Variants in RGS12 observed in about 807,000 individuals in gnomAD.
The protein encoded by RGS12 is regulator of G-protein signaling 12.
In RGS12, 66 loss-of-function variants were observed where a neutral mutation model predicts 120.1. That is an observed-to-expected ratio of 0.55 (90% confidence interval 0.45 to 0.67). RGS12 has a LOEUF of 0.67. Among genes scored for constraint, RGS12 ranks in the 30% least tolerant of loss-of-function variants. RGS12 has a pLI of 0.00. For synonymous variants in RGS12, 827 were observed against 804.7 expected (o/e 1.03, Z -0.47); for missense variants, 1,859 against 1,957.7 (o/e 0.95, Z 0.95).
intron 1 of RGS12, among the ~76,000 whole-genome samples, chr4:3,313,351 G>T (rs1724529547): frequency 1.3e-5 from 2 of 152,146 alleles, no homozygotes; most frequent in Admixed American, 6.5e-5. Context: ...GCTGTCCTGG[G>T]GCTGTTCACA....
rs772653699 is a variant in RGS12, at chr4:3,423,547, G to A, written c.3140G>A (p.Gly1047Glu). The A allele has an allele frequency of 1.2e-6, 2 of 1,612,936 alleles. No individual in the cohort carries two copies. The highest frequency in any genetic ancestry group is 1.3e-5 in the African/African-American group (1 of 74,930). Residue 1047 changes from glycine (G) to glutamate (E), a missense_variant, in exon 13 of 18, where the codon GGA becomes GAA. This residue lies in a region of RGS12 where 375 missense variants were observed against 475.0 expected (regional missense o/e 0.79). Coordinates refer to ENST00000336727, the MANE Select transcript of RGS12 (RefSeq NM_001394154.1). ...LDLVPINRSV[G>E]LKAKPTKPVT... is the part of the protein sequence containing the mutation. ...CTTGTTCCGATTAACCGGTCAGTGG[G>A]ACTCAAGGCCAAGCCCACCAAGCCC...
intron 2 of RGS12, among the ~76,000 whole-genome samples, chr4:3,340,762 A>AGGTGCAGGCC (rs142221888): frequency 0.61 from 91,995 of 150,946 alleles, 28,571 homozygotes; most frequent in South Asian, 0.74. Context: ...AGGTGCAGGC[A>AGGTGCAGGCC]GGTGCAGGCC....
Position 3,416,918 on chromosome 4 carries a change from C to T in RGS12, c.2433C>T (p.Phe811=), listed in dbSNP as rs761895357. The change falls in exon 8 of 18, where the codon TTC becomes TTT. Residue 811 remains phenylalanine (F), a synonymous_variant. Transcript: ENST00000336727. ...DMFKEQQLQI[F]NLMKFDSYTR... ...ACCTTACATCTTCTCCCCAGATCTT[C>T]AATCTCATGAAGTTTGATAGCTACA... is the stretch of plus-strand genomic sequence containing the variant. 6.3e-6 allele frequency: 10 copies of T among 1,597,740 alleles called. No homozygotes were observed. In the East Asian group the frequency reaches 2.0e-4, roughly 32 times the overall value.
intron 3 of RGS12, among the ~76,000 whole-genome samples, chr4:3,373,695 G>C (rs1437724112): frequency 6.6e-6 from 1 of 152,166 alleles, no homozygotes; most frequent in Admixed American, 6.5e-5. Flanking sequence ...CCTGTGTCCT[G>C]CTGTATCGGT....
chr4:3,362,638 AGT>A (rs1473226223), intron 3 of RGS12, among the ~76,000 whole-genome samples: 2 of 102,058 alleles, frequency 2.0e-5, no homozygotes, highest in African/African-American at 4.0e-5. Context: ...TGAATGTGAG[AGT>A]GAGGGTGTGT....
chr4:3,335,043 C>G (rs1324819899), intron 2 of RGS12, among the ~76,000 whole-genome samples: 3 of 152,176 alleles, frequency 2.0e-5, no homozygotes. Context: ...AAATTATGTG[C>G]TTTGTTTCTG....
rs1716371513 is a variant in RGS12 at position 3,366,937 on chromosome 4, G to T, written c.1999-19479G>T. Reference sequence around the variant, plus strand: ...TGGCCCCAGGACATAGCCCACGTGGGTCCTCACCTCTGCCCGGCTCAGCTC... The same window carrying T: ...TGGCCCCAGGACATAGCCCACGTGGTTCCTCACCTCTGCCCGGCTCAGCTC... On this transcript the variant is annotated intron_variant, in intron 3 of 17. Coordinates refer to ENST00000336727, the MANE Select transcript of RGS12 (RefSeq NM_001394154.1). This position sits in a 1 kb window ranked among gnomAD's most constrained non-coding sequence, Gnocchi z 4.0. 6.6e-6 allele frequency among the ~76,000 whole-genome samples: 1 copy of T among 152,182 alleles called. No individual in the cohort carries two copies. The highest frequency in any genetic ancestry group is 6.5e-5 in the Admixed American group (1 of 15,282).
Position 3,316,830 on chromosome 4 carries a change from A to G in RGS12, c.660A>G (p.Ala220=), listed in dbSNP as rs1160360824. 1.2e-6 allele frequency: 2 copies of G among 1,614,140 alleles called. No individual in the cohort carries two copies. Among genetic ancestry groups the G allele is most frequent in the Non-Finnish European group, 8.5e-7 (1 of 1,179,972 alleles). The change falls in exon 2 of 18, where the codon GCA becomes GCG. Residue 220 remains alanine, a synonymous_variant. Coordinates refer to ENST00000336727, the MANE Select transcript of RGS12 (RefSeq NM_001394154.1). ...GACTAGAAAGTCATGACGATTTTGCATTGGATGCAAGTATTTTAAACGTGG... is the reference window on the plus strand; with the variant it reads ...GACTAGAAAGTCATGACGATTTTGCGTTGGATGCAAGTATTTTAAACGTGG... ...SIGLESHDDF[A]LDASILNVAM...
At position 3,433,974 on chromosome 4, in the gene RGS12, G is replaced by A. The variant is rs1480254472; in HGVS notation, c.4114+3019G>A. 6.6e-6 allele frequency among the ~76,000 whole-genome samples: 1 copy of A among 152,260 alleles called. No homozygotes were observed. Among genetic ancestry groups the A allele is most frequent in the Non-Finnish European group, 1.5e-5 (1 of 68,046 alleles). On this transcript the variant is annotated intron_variant, in intron 17 of 17. Coordinates refer to ENST00000336727, the MANE Select transcript of RGS12 (RefSeq NM_001394154.1). The surrounding 1 kb of genome is among the most constrained non-coding windows in gnomAD (Gnocchi z 4.4). ...AACAGAGGCCTCAAGCGGGAGAAGT[G>A]TCAGGCCCCTCGTGAGGCTCCAGGG...
At position 3,307,247 on chromosome 4, in the gene RGS12, C is replaced by T. The variant is rs560652347; in HGVS notation, c.-101-8823C>T. 1.1e-4 allele frequency among the ~76,000 whole-genome samples: 17 copies of T among 152,304 alleles called. No individual in the cohort carries two copies. The South Asian group carries it at 2.9e-3, about 26-fold the overall frequency. On this transcript the variant is annotated intron_variant, in intron 1 of 17. Coordinates refer to ENST00000336727, the MANE Select transcript of RGS12 (RefSeq NM_001394154.1). ...GGTCCTGGGATACGGCCTTTGCCGA[C>T]GCACCTTGCTCTTAGGCAGACTGTC...
At chr4:3,351,440 C>T (rs1353450686) in intron 3 of RGS12, among the ~76,000 whole-genome samples, 1 of 151,972 alleles carries the variant, frequency 6.6e-6, no homozygotes, top group African/African-American at 2.4e-5. Context: ...TTAGCTTTTT[C>T]ATCACCCTAA....
intron 3 of RGS12, among the ~76,000 whole-genome samples, chr4:3,357,017 A>C (rs886984351): frequency 2.6e-5 from 4 of 152,158 alleles, no homozygotes; most frequent in Admixed American, 6.5e-5. Flanking sequence ...ATGACAGTGC[A>C]CAAGGTTTCC....
chr4:3,317,309 TC>T lies in RGS12; in HGVS notation c.1143del (p.Val382SerfsTer15). 1 of 1,614,036 alleles carries T rather than the reference TC, an allele frequency of 6.2e-7. No homozygotes were observed. Among genetic ancestry groups the T allele is most frequent in the Non-Finnish European group, 8.5e-7 (1 of 1,180,028 alleles). Reference sequence around the variant, plus strand: ...TGTCTGGAATTCCCGGCGTCCTCCCTCCCCGTCCTGCAGTTCATCTCTGTCC... The same window carrying T: ...TGTCTGGAATTCCCGGCGTCCTCCCTCCCGTCCTGCAGTTCATCTCTGTCC... Reference protein sequence around the residue: ...NGCLEFPASSLPVLQFISVLY... With the variant: ...NGCLEFPASSXPVLQFISVLY... On this transcript the variant is annotated frameshift_variant, in exon 2 of 18. Coordinates refer to ENST00000336727, the MANE Select transcript of RGS12 (RefSeq NM_001394154.1). LOFTEE classifies it high-confidence loss of function.
At chr4:3,423,110 G>C (rs573224009) in intron 12 of RGS12, 132 bp downstream of exon 12, 71 of 667,014 alleles carry the variant, frequency 1.1e-4, no homozygotes, top group Middle Eastern at 2.6e-4. Flanking sequence ...GTGTCGGGGC[G>C]GGGGGAGGGT....
chr4:3,330,856 G>A (rs907103423), intron 2 of RGS12, among the ~76,000 whole-genome samples: 1 of 152,150 alleles, frequency 6.6e-6, no homozygotes, highest in South Asian at 2.1e-4. Flanking sequence ...CTTTGAGATC[G>A]CTCCTTTAGC....
rs933648317 is a variant in RGS12 at position 3,374,574 on chromosome 4, C to T, written c.1999-11842C>T. Among the ~76,000 whole-genome samples, 5 of 152,124 alleles carry T rather than the reference C, an allele frequency of 3.3e-5. No homozygotes were observed. The highest frequency in any genetic ancestry group is 9.6e-5 in the African/African-American group (4 of 41,478). On this transcript the variant is annotated intron_variant, in intron 3 of 17. Transcript: ENST00000336727. The surrounding 1 kb of genome is among the most constrained non-coding windows in gnomAD (Gnocchi z 6.3). ...AAGACTTGGATTCTCCCCTCGCCTC[C>T]AGTGTACCCCTCCCTCAGTCTGCCA...
In RGS12 at chr4:3,349,389, T is replaced by C. The variant is rs6446733; in HGVS notation, c.1998+6336T>C. ...AGGAGTCTTTGTCATACAAAATTAT[T>C]CATTTTTGTTTTTAACCTTCCTTAC... is the stretch of plus-strand genomic sequence containing the variant. On this transcript the variant is annotated intron_variant, in intron 3 of 17. Coordinates refer to ENST00000336727, the MANE Select transcript of RGS12 (RefSeq NM_001394154.1). 7.7e-3 allele frequency among the ~76,000 whole-genome samples: 1,175 copies of C among 152,280 alleles called. 10 individuals are homozygous for C. The highest frequency in any genetic ancestry group is 0.027 in the African/African-American group (1,102 of 41,560).
At chr4:3,326,503 A>C (rs867144432) in intron 2 of RGS12, among the ~76,000 whole-genome samples, 1 of 152,184 alleles carries the variant, frequency 6.6e-6, no homozygotes, top group Non-Finnish European at 1.5e-5. Context: ...TGCCTCGGCT[A>C]TCCAAAGTGC....
chr4:3,318,019 C>G lies in RGS12; in HGVS notation c.1849C>G (p.Arg617Gly), dbSNP rs747131973. Residue 617 changes from arginine (R) to glycine (G), a missense_variant, in exon 2 of 18, where the codon CGA becomes GGA. Coordinates refer to ENST00000336727, the MANE Select transcript of RGS12 (RefSeq NM_001394154.1). ...FGMQSIFGPH[R>G]NVRKTKEDKK... ...AATGCAAAGCATTTTTGGTCCCCAT[C>G]GAAATGTTCGAAAGACTAAGGAAGA... The G allele has an allele frequency of 1.2e-6, 2 of 1,605,604 alleles. No individual in the cohort carries two copies. The highest frequency in any genetic ancestry group is 8.5e-7 in the Non-Finnish European group (1 of 1,175,650).
Sources: gnomAD v4.1 joint callset for allele counts (sites outside exome capture counted in the v4.1 genomes callset) on GRCh38, gnomAD v4.1.1 for gene constraint, gnomAD v4.1.1 regional missense constraint, Gnocchi (gnomAD v3.1) non-coding constraint, MANE v1.5 for transcripts, NCBI Gene and HGNC (gene_info 2026-07-23, HGNC 2026-07-21) for gene names.